The following NFIL3 variants were observed in gnomAD, a reference collection of about 807,000 sequenced individuals.
NFIL3 encodes nuclear factor, interleukin 3 regulated.
Under a neutral mutation model 10.0 loss-of-function variants are expected in NFIL3, and 5 were observed. The observed-to-expected ratio is 0.50, with a 90% CI of 0.26 to 1.06. The LOEUF (loss-of-function observed/expected upper bound fraction) is 1.06, where lower values mean the gene tolerates loss of function less well. Ranked by LOEUF, NFIL3 falls within the 50% of genes least tolerant of loss-of-function variation. NFIL3 has a pLI of 0.13. For synonymous variants in NFIL3, 202 were observed against 206.5 expected, an observed-to-expected ratio of 0.98 and a Z score of 0.19; for missense variants, 436 against 547.6, an observed-to-expected ratio of 0.80 and a Z score of 2.03.
chr9:91,460,313 C>T, the NFIL3 span, among the ~76,000 whole-genome samples: 1 of 95,558 alleles, frequency 1.0e-5, no homozygotes, highest in Admixed American at 1.1e-4. Context: ...CTCACTCTGT[C>T]ACCCAGGCTG....
At chr9:91,470,418 C>CTCTTTTCT in the NFIL3 span, among the ~76,000 whole-genome samples, 1 of 119,664 alleles carries the variant, frequency 8.4e-6, no homozygotes, top group East Asian at 2.5e-4. Flanking sequence ...TGATTCTTCT[C>CTCTTTTCT]TATTAGTCTT....
the NFIL3 span, among the ~76,000 whole-genome samples, chr9:91,454,405 C>T: frequency 0.42 from 63,703 of 151,612 alleles, 17,325 homozygotes; most frequent in African/African-American, 0.77. Flanking sequence ...TACAAAACAC[C>T]GAATTTTTGA....
At chr9:91,479,241 C>T in the NFIL3 span, among the ~76,000 whole-genome samples, 1 of 152,182 alleles carries the variant, frequency 6.6e-6, no homozygotes, top group Non-Finnish European at 1.5e-5. Context: ...GAAGCTGTGC[C>T]CACAGCCACC....
the NFIL3 span, among the ~76,000 whole-genome samples, chr9:91,431,050 C>T: frequency 6.6e-6 from 1 of 152,180 alleles, no homozygotes; most frequent in African/African-American, 2.4e-5. Flanking sequence ...GTGACAAGTC[C>T]TGGCAGAGAG....
the NFIL3 span, among the ~76,000 whole-genome samples, chr9:91,452,385 C>G: frequency 6.6e-6 from 1 of 152,080 alleles, no homozygotes; most frequent in Non-Finnish European, 1.5e-5. Context: ...TATCTATAAC[C>G]TGGAAGCCCC....
chr9:91,437,987 TA>T, the NFIL3 span, among the ~76,000 whole-genome samples: 2 of 152,244 alleles, frequency 1.3e-5, no homozygotes. Context: ...CACATACCTT[TA>T]TGAAATGGTG....
chr9:91,482,963 C>A, the NFIL3 span, among the ~76,000 whole-genome samples: 2 of 152,298 alleles, frequency 1.3e-5, no homozygotes, highest in East Asian at 1.9e-4. Context: ...ATAAGACCAT[C>A]GACTGCCTAT....
intron 1 of NFIL3, among the ~76,000 whole-genome samples, chr9:91,416,296 T>C (rs1289974212): frequency 2.0e-5 from 3 of 152,166 alleles, no homozygotes; most frequent in African/African-American, 4.8e-5. Context: ...CACACAGCAG[T>C]TGGGCACAGA....
At chr9:91,422,587 C>T (rs1282665393) in intron 1 of NFIL3, among the ~76,000 whole-genome samples, 2 of 152,094 alleles carry the variant, frequency 1.3e-5, no homozygotes, top group African/African-American at 2.4e-5. Flanking sequence ...CCAGCAAATT[C>T]GGCAGTTACA....
the NFIL3 span, among the ~76,000 whole-genome samples, chr9:91,455,386 C>T: frequency 1.3e-5 from 2 of 152,034 alleles, no homozygotes; most frequent in Admixed American, 1.3e-4. Context: ...GTCCCATCTC[C>T]CCATTTTATT....
the NFIL3 span, among the ~76,000 whole-genome samples, chr9:91,454,175 A>T: frequency 6.6e-6 from 1 of 151,202 alleles, no homozygotes; most frequent in East Asian, 2.0e-4. Flanking sequence ...TGGAGGTTGC[A>T]GCGAGCCAAG....
At chr9:91,474,086 GTT>G in the NFIL3 span, among the ~76,000 whole-genome samples, 1 of 143,322 alleles carries the variant, frequency 7.0e-6, no homozygotes. Flanking sequence ...TAGGGTTTTT[GTT>G]TTTTTTTTTT....
chr9:91,456,226 T>C, the NFIL3 span, among the ~76,000 whole-genome samples: 31 of 152,312 alleles, frequency 2.0e-4, no homozygotes, highest in Middle Eastern at 3.4e-3. Flanking sequence ...ACTTTCAACA[T>C]GTGTTTGCGT....
intron 1 of NFIL3, among the ~76,000 whole-genome samples, chr9:91,412,809 G>A (rs924206016): frequency 4.1e-5 from 6 of 146,472 alleles, no homozygotes; most frequent in Non-Finnish European, 7.4e-5. Context: ...CCAAGATCGC[G>A]CCATTGCACT....
At chr9:91,412,098 CAAAAAAAAAAAAA>C (rs56891881) in intron 1 of NFIL3, among the ~76,000 whole-genome samples, 1 of 76,872 alleles carries the variant, frequency 1.3e-5, no homozygotes. Flanking sequence ...AAGACTCTGT[CAAAAAAAAAAAAA>C]AAAAAAAAAA....
the NFIL3 span, among the ~76,000 whole-genome samples, chr9:91,472,962 C>T: frequency 1.3e-5 from 2 of 152,142 alleles, no homozygotes; most frequent in African/African-American, 4.8e-5. Flanking sequence ...CAGTCAGGAC[C>T]CTCAGCTGCA....
At chr9:91,429,970 C>T in the NFIL3 span, among the ~76,000 whole-genome samples, 32 of 152,140 alleles carry the variant, frequency 2.1e-4, no homozygotes, top group East Asian at 6.2e-3. Context: ...CTTTTGACAA[C>T]CATTTATAAT....
At chr9:91,429,971 C>T in the NFIL3 span, among the ~76,000 whole-genome samples, 1 of 152,020 alleles carries the variant, frequency 6.6e-6, no homozygotes, top group Non-Finnish European at 1.5e-5. Flanking sequence ...TTTTGACAAC[C>T]ATTTATAATT....
chr9:91,463,242 T>C, the NFIL3 span, among the ~76,000 whole-genome samples: 1 of 151,792 alleles, frequency 6.6e-6, no homozygotes, highest in Admixed American at 6.6e-5. Context: ...AGGCTTAAAT[T>C]GTTCTTCTTT....
Sources: allele counts gnomAD v4.1 joint callset (sites outside exome capture counted in the v4.1 genomes callset), GRCh38; gene constraint gnomAD v4.1.1; transcripts MANE v1.5; gene names NCBI Gene and HGNC (gene_info 2026-07-23, HGNC 2026-07-21).